ZNF680: variants seen among roughly 807,000 people sequenced by gnomAD.
ZNF680 encodes the protein hypothetical protein FLJ90430.
Under a neutral mutation model 12.1 loss-of-function variants are expected in ZNF680, and 6 were observed. The ratio of observed to expected loss-of-function variants is 0.49; its 90% confidence interval spans 0.27 to 0.98. The LOEUF (loss-of-function observed/expected upper bound fraction) is 0.98, where lower values mean the gene tolerates loss of function less well. ZNF680 is among the 50% of genes least tolerant of loss of function. ZNF680 has a pLI of 0.12. For synonymous variants in ZNF680, 170 were observed against 199.3 expected, an observed-to-expected ratio of 0.85 and a Z score of 1.24; for missense variants, 561 against 616.3, an observed-to-expected ratio of 0.91 and a Z score of 0.95.
chr7:64,525,778 T>C (rs1004767516), intron 3 of ZNF680: 5 of 970,028 alleles, frequency 5.2e-6, no homozygotes, highest in Admixed American at 6.2e-5. Context: ...AAAAATAATA[T>C]AGATCCATGA....
At chr7:64,512,628 A>G in the ZNF680 span, among the ~76,000 whole-genome samples, 1 of 152,180 alleles carries the variant, frequency 6.6e-6, no homozygotes, top group African/African-American at 2.4e-5. Context: ...AATTTTTCTC[A>G]TAAAATCCCT....
At chr7:64,546,895 G>A (rs1786815616) in intron 1 of ZNF680, among the ~76,000 whole-genome samples, 1 of 152,060 alleles carries the variant, frequency 6.6e-6, no homozygotes, top group African/African-American at 2.4e-5. Context: ...TCAATGCAAA[G>A]GTGGAACTTA....
chr7:64,562,677 T>A (rs1187186134), intron 1 of ZNF680, among the ~76,000 whole-genome samples: 1 of 152,250 alleles, frequency 6.6e-6, no homozygotes. Context: ...GGTGCAGAGC[T>A]GCCCAGCGAG....
In ZNF680 at chr7:64,543,731, G is replaced by A. The variant is rs766031987; in HGVS notation, c.229C>T (p.Gln77Ter). 10 of 1,613,528 alleles carry A rather than the reference G, an allele frequency of 6.2e-6. No individual in the cohort carries two copies. The South Asian group carries it at 1.1e-4, about 18-fold the overall frequency. The change falls in exon 3 of 4, where the codon CAG (glutamine) becomes TAG (stop). Residue 77 changes from glutamine to a stop codon, truncating the protein, a stop_gained. Coordinates refer to ENST00000309683, the MANE Select transcript of ZNF680 (RefSeq NM_178558.5). LOFTEE classifies it low-confidence loss of function (END_TRUNC). Reference sequence around the variant, plus strand: ...CCTGGGGGTTTGGCTACCATCTCCTGTCTCTTCCTATTCCAGGGCTCTTTT... The same window carrying A: ...CCTGGGGGTTTGGCTACCATCTCCTATCTCTTCCTATTCCAGGGCTCTTTT... ...QGKEPWNRKR[Q>*]EMVAKPPVIY...
At chr7:64,515,069 CACACAG>C (rs765895566), downstream of ZNF680, among the ~76,000 whole-genome samples, 1 of 148,230 alleles carries the variant, frequency 6.7e-6, no homozygotes, top group African/African-American at 2.5e-5. Context: ...CACACACACA[CACACAG>C]ACACACCCAC....
chr7:64,560,927 A>T (rs1787699292), intron 1 of ZNF680: 1 of 152,162 alleles, frequency 6.6e-6, no homozygotes. Flanking sequence ...GTAGATATTA[A>T]TTTTTTTCTG....
At chr7:64,554,370 G>A (rs112006393) in intron 1 of ZNF680, among the ~76,000 whole-genome samples, 34,085 of 151,338 alleles carry the variant, frequency 0.23, 4,021 homozygotes, top group South Asian at 0.28. Context: ...TCCGGGAGGT[G>A]GGGGGCAGCC....
intron 3 of ZNF680, among the ~76,000 whole-genome samples, chr7:64,533,938 G>T (rs1290250605): frequency 2.6e-5 from 4 of 152,132 alleles, no homozygotes; most frequent in Non-Finnish European, 5.9e-5. Context: ...TCAACAAAAG[G>T]TGCTGGGAAA....
At chr7:64,510,341 C>T in the ZNF680 span, among the ~76,000 whole-genome samples, 5 of 151,930 alleles carry the variant, frequency 3.3e-5, no homozygotes, top group East Asian at 7.8e-4. Flanking sequence ...AATAACGCAC[C>T]CCCACCCCGC....
intron 1 of ZNF680, among the ~76,000 whole-genome samples, chr7:64,549,127 G>GAAAAAAAAA (rs1156794322): frequency 2.1e-5 from 2 of 94,226 alleles, no homozygotes; most frequent in African/African-American, 4.0e-5. Context: ...CTCAAAAAAA[G>GAAAAAAAAA]AAAAAAAAAA....
chr7:64,502,763 C>T, the ZNF680 span, among the ~76,000 whole-genome samples: 2 of 146,550 alleles, frequency 1.4e-5, no homozygotes, highest in African/African-American at 5.0e-5. Flanking sequence ...TTTTGATTCA[C>T]CAGAGGATTG....
At chr7:64,550,795 A>G (rs765330791) in intron 1 of ZNF680, among the ~76,000 whole-genome samples, 9 of 152,198 alleles carry the variant, frequency 5.9e-5, no homozygotes, top group Admixed American at 4.6e-4. Context: ...TGCATTCTGC[A>G]GCACAATTGT....
At chr7:64,560,315 T>C (rs1044413284) in intron 1 of ZNF680, among the ~76,000 whole-genome samples, 23 of 152,068 alleles carry the variant, frequency 1.5e-4, no homozygotes, top group Non-Finnish European at 1.5e-5. Context: ...GGCTTCACCA[T>C]GTTGGCCAGG....
At chr7:64,542,047 C>T (rs1786534072) in intron 3 of ZNF680, among the ~76,000 whole-genome samples, 1 of 152,196 alleles carries the variant, frequency 6.6e-6, no homozygotes, top group South Asian at 2.1e-4. Flanking sequence ...CTACTGTCTG[C>T]CCTACAGAGC....
intron 3 of ZNF680, among the ~76,000 whole-genome samples, chr7:64,531,300 TA>T (rs1293419335): frequency 6.6e-6 from 1 of 151,956 alleles, no homozygotes; most frequent in South Asian, 2.1e-4. Context: ...TACAGTGGAA[TA>T]AAACTAGAAA....
chr7:64,550,124 G>A (rs1041189657), intron 1 of ZNF680, among the ~76,000 whole-genome samples: 1 of 152,206 alleles, frequency 6.6e-6, no homozygotes, highest in African/African-American at 2.4e-5. Context: ...GTTACAAGTG[G>A]ATTTGTAAAG....
chr7:64,506,830 G>A, the ZNF680 span, among the ~76,000 whole-genome samples: 3 of 152,140 alleles, frequency 2.0e-5, no homozygotes, highest in Non-Finnish European at 2.9e-5. Flanking sequence ...ATTTCTCTCA[G>A]TAGCTCTGTT....
rs376247694 is a variant in ZNF680 at position 64,560,480 on chromosome 7, T to C, written c.30+2445A>G. The stretch of plus-strand genomic sequence containing the variant: ...TTTCTCTATTTTTTCCCTAGATAGC[T>C]AGCATTCTAAAAGTTAAGGCTTGGA... On this transcript the variant is annotated intron_variant, in intron 1 of 3. Coordinates refer to ENST00000309683, the MANE Select transcript of ZNF680 (RefSeq NM_178558.5). Among the ~76,000 whole-genome samples, 125 of 152,346 alleles carry C rather than the reference T, an allele frequency of 8.2e-4. 1 individual carries two copies. Among genetic ancestry groups the C allele is most frequent in the African/African-American group, 2.9e-3 (119 of 41,570 alleles).
the ZNF680 span, among the ~76,000 whole-genome samples, chr7:64,505,191 A>G: frequency 6.6e-6 from 1 of 152,270 alleles, no homozygotes; most frequent in South Asian, 2.1e-4. Context: ...CAATTATGCC[A>G]AGCCATTGAA....
Sources: gnomAD v4.1 joint callset for allele counts (sites outside exome capture counted in the v4.1 genomes callset) on GRCh38, gnomAD v4.1.1 for gene constraint, MANE v1.5 for transcripts, NCBI Gene and HGNC (gene_info 2026-07-23, HGNC 2026-07-21) for gene names.